The following HDAC4 variants were observed in gnomAD, a reference collection of about 807,000 sequenced individuals.
HDAC4 encodes the protein histone deacetylase A.
A neutral mutation model predicts 135.1 loss-of-function variants in HDAC4; 16 were observed. That is an observed-to-expected ratio of 0.12 (90% confidence interval 0.08 to 0.18). The LOEUF is 0.18. Among genes scored for constraint, HDAC4 ranks in the 10% least tolerant of loss-of-function variants. The pLI is 1.00. For missense variants in HDAC4, 1,143 were observed against 1,511.8 expected, an observed-to-expected ratio of 0.76 and a Z score of 4.05; for synonymous variants, 685 against 653.4, an observed-to-expected ratio of 1.05 and a Z score of -0.74.
At chr2:239,304,957 G>A (rs1371951772) in intron 2 of HDAC4, among the ~76,000 whole-genome samples, 1 of 152,178 alleles carries the variant, frequency 6.6e-6, no homozygotes, top group East Asian at 1.9e-4. Context: ...TAGCATCACA[G>A]AGTCCAGCCG....
intron 2 of HDAC4, among the ~76,000 whole-genome samples, chr2:239,326,268 A>G (rs1056958001): frequency 3.3e-5 from 5 of 152,256 alleles, no homozygotes; most frequent in Non-Finnish European, 1.5e-5. Flanking sequence ...AGCCACGCAC[A>G]AAAGGACAAA....
At chr2:239,231,364 CT>C (rs1391834837) in intron 3 of HDAC4, among the ~76,000 whole-genome samples, 1 of 152,226 alleles carries the variant, frequency 6.6e-6, no homozygotes, top group African/African-American at 2.4e-5. Flanking sequence ...TAGCACAGCC[CT>C]CAGGGCAGTC....
At chr2:239,333,073 A>G (rs1453124517) in intron 2 of HDAC4, among the ~76,000 whole-genome samples, 1 of 152,296 alleles carries the variant, frequency 6.6e-6, no homozygotes, top group South Asian at 2.1e-4. Flanking sequence ...AAATCTTCCC[A>G]CAAAGAAAAC....
In HDAC4 at chr2:239,074,586, C is replaced by T. The variant is rs143172443; in HGVS notation, c.2751-5979G>A. Among the ~76,000 whole-genome samples, 299 of 152,340 alleles carry T rather than the reference C, an allele frequency of 2.0e-3. 1 individual carries two copies. Among genetic ancestry groups the T allele is most frequent in the African/African-American group, 7.0e-3 (293 of 41,590 alleles). ...AGGCTGCGTGGGGCACAGTCGGATG[C>T]ACGTGCCCACACACTCATTTTCATT... On this transcript the variant is annotated intron_variant, in intron 22 of 26. Transcript: ENST00000543185.
At chr2:239,225,965 T>G (rs932536366) in intron 3 of HDAC4, among the ~76,000 whole-genome samples, 5 of 152,196 alleles carry the variant, frequency 3.3e-5, no homozygotes, top group Middle Eastern at 3.4e-3. Context: ...GGCGAAAACA[T>G]GACATTAGGG....
chr2:239,134,369 G>A lies in HDAC4; in HGVS notation c.1170C>T (p.Gly390=), dbSNP rs2152881684. The A allele has an allele frequency of 6.2e-7, 1 of 1,614,004 alleles. No homozygotes were observed. Residue 390 remains glycine, a synonymous_variant, in exon 11 of 27, where the codon GGC becomes GGT. Transcript: ENST00000543185. ...ALQQRLSLFP[G]THLTPYLSTS... The stretch of plus-strand genomic sequence containing the variant: ...TGCTCAGGTAGGGAGTGAGGTGGGT[G>A]CCGGGGAAAAGGGAGAGCCTCTGCT...
chr2:239,284,809 C>T (rs2051040347), intron 2 of HDAC4, among the ~76,000 whole-genome samples: 1 of 152,204 alleles, frequency 6.6e-6, no homozygotes, highest in Non-Finnish European at 1.5e-5. Context: ...AAGCAGCCCT[C>T]CCACAGGAAG....
At chr2:239,136,124 G>A (rs547981868) in intron 9 of HDAC4, among the ~76,000 whole-genome samples, 288 of 152,336 alleles carry the variant, frequency 1.9e-3, no homozygotes, top group African/African-American at 6.6e-3. Context: ...CAAACAAAGA[G>A]AAGGAATAAA....
At chr2:239,084,872 G>A (rs998178734) in intron 19 of HDAC4, among the ~76,000 whole-genome samples, 9 of 144,404 alleles carry the variant, frequency 6.2e-5, no homozygotes, top group Middle Eastern at 3.8e-3. Flanking sequence ...CCACAGATAC[G>A]CCCATACCCA....
rs949164133 is a variant in HDAC4, at chr2:239,082,301, A to C, written c.2533-80T>G. On this transcript the variant is annotated intron_variant, in intron 20 of 26. Transcript: ENST00000543185. ...TCCCCTGAGGGCCGTCCCCAACCCC[A>C]GTTGTGCTTAGTGACAACGGCTCCT... 3.8e-6 allele frequency: 6 copies of C among 1,564,232 alleles called. No individual in the cohort carries two copies. In the African/African-American group the frequency reaches 8.1e-5, roughly 21 times the overall value.
At chr2:239,209,178 C>T (rs559625702) in intron 3 of HDAC4, among the ~76,000 whole-genome samples, 5 of 152,304 alleles carry the variant, frequency 3.3e-5, no homozygotes, top group African/African-American at 1.2e-4. Flanking sequence ...GGCCACTGTG[C>T]CTGGCCCTGA....
intron 1 of HDAC4, among the ~76,000 whole-genome samples, chr2:239,353,896 T>A (rs1166739749): frequency 6.6e-6 from 1 of 152,248 alleles, no homozygotes; most frequent in African/African-American, 2.4e-5. Context: ...AATGTCTGTG[T>A]AATCACAGAA....
chr2:239,162,580 C>T (rs2042877296), intron 6 of HDAC4, among the ~76,000 whole-genome samples: 1 of 152,214 alleles, frequency 6.6e-6, no homozygotes, highest in African/African-American at 2.4e-5. Flanking sequence ...CTCAGGAAGC[C>T]ACCTCCTCTC....
intron 2 of HDAC4, among the ~76,000 whole-genome samples, chr2:239,254,136 T>C (rs2125007052): frequency 6.6e-6 from 1 of 152,152 alleles, no homozygotes; most frequent in East Asian, 1.9e-4. Context: ...AGGGTAAAAC[T>C]AGTCTAGAAC....
At chr2:239,250,414 A>AATGTGACATGAGATTCAGAT (rs1465755872) in intron 2 of HDAC4, among the ~76,000 whole-genome samples, 1 of 152,208 alleles carries the variant, frequency 6.6e-6, no homozygotes, top group African/African-American at 2.4e-5. Context: ...AGGCTGTGAA[A>AATGTGACATGAGATTCAGAT]ATGTGACATG....
At chr2:239,130,517 C>T (rs1036498451) in intron 11 of HDAC4, among the ~76,000 whole-genome samples, 3 of 150,934 alleles carry the variant, frequency 2.0e-5, no homozygotes, top group African/African-American at 7.3e-5. Flanking sequence ...ACAGGGCCAC[C>T]TCCACGAGGC....
chr2:239,299,182 T>C lies in HDAC4; in HGVS notation c.22+53496A>G, dbSNP rs749484595. 7.9e-5 allele frequency among the ~76,000 whole-genome samples: 12 copies of C among 152,106 alleles called. No homozygotes were observed. Among genetic ancestry groups the C allele is most frequent in the Non-Finnish European group, 1.3e-4 (9 of 68,022 alleles). ...ACCCGGCCTGTCATAGCCTACCTTA[T>C]TCCAAATATCCAAAACCTGGAACTG... On this transcript the variant is annotated intron_variant, in intron 2 of 26. Coordinates refer to ENST00000543185, the MANE Select transcript of HDAC4 (RefSeq NM_001378414.1). The surrounding 1 kb of genome is among the most constrained non-coding windows in gnomAD (Gnocchi z 4.0).
intron 9 of HDAC4, among the ~76,000 whole-genome samples, chr2:239,137,589 A>T (rs1424109319): frequency 6.6e-6 from 1 of 152,200 alleles, no homozygotes; most frequent in Non-Finnish European, 1.5e-5. Flanking sequence ...GGGTGAACAG[A>T]AAAGGCAGTG....
At chr2:239,324,775 C>T (rs554625307) in intron 2 of HDAC4, among the ~76,000 whole-genome samples, 5 of 152,156 alleles carry the variant, frequency 3.3e-5, no homozygotes, top group African/African-American at 4.8e-5. Flanking sequence ...CAGAAGGGGG[C>T]GTGGGCGAGG....
Sources: allele counts gnomAD v4.1 joint callset (sites outside exome capture counted in the v4.1 genomes callset), GRCh38; gene constraint gnomAD v4.1.1; non-coding constraint Gnocchi (gnomAD v3.1); transcripts MANE v1.5; gene names NCBI Gene and HGNC (gene_info 2026-07-23, HGNC 2026-07-21).